LRMDA: variants seen among roughly 807,000 people sequenced by gnomAD.
The protein encoded by LRMDA is leucine-rich melanocyte differentiation-associated protein.
Under a neutral mutation model 29.8 loss-of-function variants are expected in LRMDA, and 18 were observed. That is an observed-to-expected ratio of 0.60 (90% CI 0.42 to 0.90). LRMDA has a LOEUF of 0.90. Among genes scored for constraint, LRMDA ranks in the 40% least tolerant of loss-of-function variants. The probability of loss-of-function intolerance (pLI) is 0.00; values close to 1 mark genes in which losing one functional copy is unlikely to be tolerated. For missense variants in LRMDA, 273 were observed against 273.9 expected (o/e 1.00, Z 0.02); for synonymous variants, 125 against 109.4 (o/e 1.14, Z -0.89).
intron 2 of LRMDA, among the ~76,000 whole-genome samples, chr10:75,864,378 T>C (rs913921678): frequency 2.0e-5 from 3 of 152,210 alleles, no homozygotes; most frequent in Admixed American, 1.3e-4. Flanking sequence ...TTTAACCTCC[T>C]GTTCCCCTGA....
intron 5 of LRMDA, among the ~76,000 whole-genome samples, chr10:76,320,433 A>G (rs1840757101): frequency 6.6e-6 from 1 of 152,014 alleles, no homozygotes; most frequent in South Asian, 2.1e-4. Context: ...TCTAGAGCTC[A>G]CTCTCAGTAG....
chr10:75,951,123 C>A (rs1478226929), intron 2 of LRMDA, among the ~76,000 whole-genome samples: 1 of 152,140 alleles, frequency 6.6e-6, no homozygotes, highest in Non-Finnish European at 1.5e-5. Flanking sequence ...TCCTGCCATC[C>A]CTGGTTCAGC....
chr10:75,458,019 C>G (rs1186457976), intron 2 of LRMDA, among the ~76,000 whole-genome samples: 1 of 152,182 alleles, frequency 6.6e-6, no homozygotes, highest in Non-Finnish European at 1.5e-5. Flanking sequence ...CATTAAGACA[C>G]AGGATGCCTG....
intron 5 of LRMDA, among the ~76,000 whole-genome samples, chr10:76,098,395 C>T (rs1849346526): frequency 6.6e-6 from 1 of 152,158 alleles, no homozygotes; most frequent in Non-Finnish European, 1.5e-5. Flanking sequence ...TTCAGATTAT[C>T]TATTTCCTTT....
At chr10:75,631,944 T>C (rs1841329036) in intron 2 of LRMDA, among the ~76,000 whole-genome samples, 1 of 152,160 alleles carries the variant, frequency 6.6e-6, no homozygotes, top group Non-Finnish European at 1.5e-5. Context: ...ATGATGATTT[T>C]GTTTGTTTGG....
At chr10:76,439,590 C>G (rs1298531271) in intron 6 of LRMDA, among the ~76,000 whole-genome samples, 2 of 152,198 alleles carry the variant, frequency 1.3e-5, no homozygotes, top group Non-Finnish European at 2.9e-5. Flanking sequence ...TAACCTCACT[C>G]AAGTGAGTTT....
intron 6 of LRMDA, among the ~76,000 whole-genome samples, chr10:76,477,948 C>T (rs998579788): frequency 1.3e-5 from 2 of 151,942 alleles, no homozygotes; most frequent in Admixed American, 6.6e-5. Context: ...CCATAAAAAC[C>T]CTAGAAGAAA....
chr10:76,482,264 C>A (rs1022049671), intron 6 of LRMDA, among the ~76,000 whole-genome samples: 1 of 151,910 alleles, frequency 6.6e-6, no homozygotes, highest in Admixed American at 6.6e-5. Context: ...GTGTGCAGTT[C>A]ATTGAATGTT....
intron 2 of LRMDA, among the ~76,000 whole-genome samples, chr10:75,632,083 T>C (rs558599295): frequency 1.8e-4 from 27 of 152,336 alleles, no homozygotes; most frequent in Non-Finnish European, 2.6e-4. Context: ...ATACTTCTGC[T>C]CTTCTACATT....
intron 5 of LRMDA, among the ~76,000 whole-genome samples, chr10:76,081,704 T>A (rs1404226950): frequency 6.6e-6 from 1 of 152,220 alleles, no homozygotes; most frequent in Non-Finnish European, 1.5e-5. Flanking sequence ...GTAAAACTTA[T>A]AAAGTAGTTT....
intron 2 of LRMDA, among the ~76,000 whole-genome samples, chr10:75,586,426 C>T (rs1208959998): frequency 3.7e-5 from 5 of 136,164 alleles, no homozygotes; most frequent in African/African-American, 1.3e-4. Context: ...GGTGTGATCA[C>T]AGCTTACTGC....
intron 6 of LRMDA, among the ~76,000 whole-genome samples, chr10:76,530,128 A>G (rs1364295530): frequency 6.6e-6 from 1 of 152,188 alleles, no homozygotes; most frequent in African/African-American, 2.4e-5. Flanking sequence ...GAAAGCATGG[A>G]CATGCCATTT....
chr10:76,495,960 CT>C (rs1406381506), intron 6 of LRMDA, among the ~76,000 whole-genome samples: 3 of 73,430 alleles, frequency 4.1e-5, no homozygotes, highest in East Asian at 5.1e-4. Context: ...GTAACAGAGA[CT>C]TTTTTTTTCT....
intron 5 of LRMDA, among the ~76,000 whole-genome samples, chr10:76,255,862 G>A (rs1397580564): frequency 1.3e-5 from 2 of 152,210 alleles, no homozygotes; most frequent in Non-Finnish European, 2.9e-5. Flanking sequence ...TCAGTCTGAA[G>A]GGGATTTAAT....
chr10:76,248,765 C>T lies in LRMDA; in HGVS notation c.517-75636C>T, dbSNP rs947364739. On this transcript the variant is annotated intron_variant, in intron 5 of 6. Coordinates refer to ENST00000611255, the MANE Select transcript of LRMDA (RefSeq NM_001305581.2). ...AACATCTCTATCACATCTGCCACAG[C>T]GGAAGGCTTTGTGCAGGATAACATA... 3.9e-5 allele frequency among the ~76,000 whole-genome samples: 6 copies of T among 152,140 alleles called. No homozygotes were observed. In the East Asian group the frequency reaches 5.8e-4, roughly 15 times the overall value.
chr10:75,896,465 C>T (rs1057373059), intron 2 of LRMDA, among the ~76,000 whole-genome samples: 3 of 152,162 alleles, frequency 2.0e-5, no homozygotes, highest in Non-Finnish European at 4.4e-5. Context: ...TTGCCTCTTG[C>T]CTCTGAAACA....
intron 2 of LRMDA, among the ~76,000 whole-genome samples, chr10:75,594,526 A>G (rs1383695545): frequency 1.3e-5 from 2 of 152,322 alleles, no homozygotes; most frequent in Non-Finnish European, 1.5e-5. Flanking sequence ...CAAAATACAC[A>G]TAAGGCATCA....
intron 5 of LRMDA, among the ~76,000 whole-genome samples, chr10:76,158,591 A>G (rs569974088): frequency 6.6e-6 from 1 of 152,340 alleles, no homozygotes; most frequent in African/African-American, 2.4e-5. Flanking sequence ...TAAAATCAGT[A>G]ACATATCACT....
intron 2 of LRMDA, among the ~76,000 whole-genome samples, chr10:76,008,508 C>A (rs188240374): frequency 6.6e-6 from 1 of 152,216 alleles, no homozygotes; most frequent in Non-Finnish European, 1.5e-5. Context: ...CCTTCAATTC[C>A]GAGGCTGGCT....
Sources: allele counts gnomAD v4.1 joint callset (sites outside exome capture counted in the v4.1 genomes callset), GRCh38; gene constraint gnomAD v4.1.1; transcripts MANE v1.5; gene names NCBI Gene and HGNC (gene_info 2026-07-23, HGNC 2026-07-21).